ZMAT3: variants seen among roughly 807,000 people sequenced by gnomAD.
ZMAT3 encodes zinc finger matrin-type 3.
Under a neutral mutation model 32.3 loss-of-function variants are expected in ZMAT3, and 17 were observed. The observed-to-expected ratio is 0.53, with a 90% confidence interval of 0.36 to 0.79. ZMAT3 has a LOEUF of 0.79. Among genes scored for constraint, ZMAT3 ranks in the 30% least tolerant of loss-of-function variants. The pLI, the probability that ZMAT3 is intolerant of heterozygous loss-of-function variation, is 0.00. For missense variants in ZMAT3, 329 were observed against 359.7 expected, an observed-to-expected ratio of 0.91 and a Z score of 0.69; for synonymous variants, 120 against 133.1, an observed-to-expected ratio of 0.90 and a Z score of 0.68.
At chr3:179,039,782 A>C (rs1349985213) in intron 2 of ZMAT3, among the ~76,000 whole-genome samples, 1 of 152,196 alleles carries the variant, frequency 6.6e-6, no homozygotes, top group Non-Finnish European at 1.5e-5. Flanking sequence ...AAACTTCTCC[A>C]AGCTAAAGGA....
Position 179,022,032 on chromosome 3 carries a change from G to A in ZMAT3, c.*2985C>T, listed in dbSNP as rs1257971291. ...CAAACTGAGTTATTGTAGGCAATAC[G>A]GTACTAAAGTGTCCTATAAAACAAA... On this transcript the variant is annotated 3_prime_UTR_variant, in exon 6 of 6. Coordinates refer to ENST00000311417, the MANE Select transcript of ZMAT3 (RefSeq NM_022470.4). 2.0e-5 allele frequency: 3 copies of A among 152,018 alleles called. No homozygotes were observed. Among genetic ancestry groups the A allele is most frequent in the African/African-American group, 7.3e-5 (3 of 41,362 alleles). 9.4% of individuals were successfully genotyped at this position (152,018 alleles called of 1,614,324 possible).
intron 2 of ZMAT3, among the ~76,000 whole-genome samples, chr3:179,059,601 T>TC (rs1222032411): frequency 6.6e-6 from 1 of 152,168 alleles, no homozygotes; most frequent in African/African-American, 2.4e-5. Context: ...AAACTACAAA[T>TC]CGTTCTTCAA....
At chr3:179,070,750 T>G (rs1576885589) in intron 1 of ZMAT3, among the ~76,000 whole-genome samples, 2 of 152,162 alleles carry the variant, frequency 1.3e-5, no homozygotes, top group Non-Finnish European at 2.9e-5. Context: ...TTTATGCTGG[T>G]TAATGTCCTG....
rs1718946135 is a variant in ZMAT3, at chr3:179,027,650, A to G, written c.553T>C (p.Phe185Leu). 2 of 1,614,144 alleles carry G rather than the reference A, an allele frequency of 1.2e-6. No individual in the cohort carries two copies. Among genetic ancestry groups the G allele is most frequent in the Non-Finnish European group, 8.5e-7 (1 of 1,180,012 alleles). Residue 185 changes from phenylalanine (F) to leucine (L), a missense_variant, in exon 4 of 6, where the codon TTC becomes CTC. Phe to Leu is a conservative substitution (Grantham distance 22). Transcript: ENST00000311417. Reference sequence around the variant, plus strand: ...AGAGAAAATGGCAATACCTACGAGAATGAGTTACTCTGAGCTTCCGCCAGC... The same window carrying G: ...AGAGAAAATGGCAATACCTACGAGAGTGAGTTACTCTGAGCTTCCGCCAGC... ...LRLAEAQSNS[F>L]SESSELGQRR...
intron 2 of ZMAT3, among the ~76,000 whole-genome samples, chr3:179,053,258 T>C (rs1305723732): frequency 1.3e-5 from 2 of 150,374 alleles, no homozygotes; most frequent in African/African-American, 4.9e-5. Context: ...AAAATATCTA[T>C]ATTCTATATA....
intron 2 of ZMAT3, among the ~76,000 whole-genome samples, chr3:179,039,181 T>C (rs532912725): frequency 1.3e-5 from 2 of 152,364 alleles, no homozygotes; most frequent in South Asian, 4.1e-4. Context: ...TCAATGTCCC[T>C]TTCTGACAGC....
chr3:179,029,120 T>C (rs371966171), intron 3 of ZMAT3, among the ~76,000 whole-genome samples: 5 of 151,268 alleles, frequency 3.3e-5, no homozygotes, highest in Admixed American at 6.6e-5. Flanking sequence ...CAGCACACCA[T>C]TGCACTCCAG....
intron 2 of ZMAT3, among the ~76,000 whole-genome samples, chr3:179,057,320 A>T (rs1471066450): frequency 6.6e-6 from 1 of 152,178 alleles, no homozygotes; most frequent in Admixed American, 6.5e-5. Context: ...GAGGAAGCAG[A>T]GTGGTTTACA....
At chr3:179,045,628 A>T (rs1720191352) in intron 2 of ZMAT3, among the ~76,000 whole-genome samples, 1 of 152,248 alleles carries the variant, frequency 6.6e-6, no homozygotes. Context: ...GCAAATATAC[A>T]AAAACAATGT....
chr3:179,069,223 G>A (rs572783828), intron 1 of ZMAT3, among the ~76,000 whole-genome samples: 1 of 152,166 alleles, frequency 6.6e-6, no homozygotes, highest in East Asian at 1.9e-4. Flanking sequence ...TCAATCTTGA[G>A]GCTATTTCCC....
chr3:179,028,786 C>G (rs967042625), intron 3 of ZMAT3, among the ~76,000 whole-genome samples: 6 of 152,122 alleles, frequency 3.9e-5, no homozygotes, highest in Admixed American at 1.3e-4. Flanking sequence ...GAATTGCTAC[C>G]CACACTTTTA....
chr3:179,051,310 A>G, intron 2 of ZMAT3, among the ~76,000 whole-genome samples: 1 of 152,184 alleles, frequency 6.6e-6, no homozygotes, highest in Admixed American at 6.5e-5. Context: ...CAAAATTAAT[A>G]TATACAAATC....
At chr3:179,033,288 C>T (rs1719391322) in intron 2 of ZMAT3, among the ~76,000 whole-genome samples, 1 of 152,190 alleles carries the variant, frequency 6.6e-6, no homozygotes, top group African/African-American at 2.4e-5. Flanking sequence ...TTGAAGGCAG[C>T]ATACTCGTTA....
At chr3:179,054,290 C>T (rs957977747) in intron 2 of ZMAT3, among the ~76,000 whole-genome samples, 24 of 152,170 alleles carry the variant, frequency 1.6e-4, no homozygotes, top group African/African-American at 5.8e-4. Flanking sequence ...TTAGTATCAT[C>T]CTCCTCATCA....
At chr3:179,055,276 AG>A (rs1336258400) in intron 2 of ZMAT3, among the ~76,000 whole-genome samples, 1 of 152,182 alleles carries the variant, frequency 6.6e-6, no homozygotes, top group African/African-American at 2.4e-5. Context: ...TCTTCAAGGG[AG>A]AGAAACCTGG....
Position 179,020,424 on chromosome 3 carries a change from C to A in ZMAT3, c.*4593G>T, listed in dbSNP as rs1718486191. 6.6e-6 allele frequency: 1 copy of A among 152,154 alleles called. No homozygotes were observed. Among genetic ancestry groups the A allele is most frequent in the African/African-American group, 2.4e-5 (1 of 41,440 alleles). 9.4% of individuals were successfully genotyped at this position (152,154 alleles called of 1,614,324 possible). On this transcript the variant is annotated 3_prime_UTR_variant, in exon 6 of 6. Transcript: ENST00000311417. ...GTAACTGCTCACAATGGTAGGGGTTCTCCCCTGCCAAGAAAGCAAAAACAA... is the reference window on the plus strand; with the variant it reads ...GTAACTGCTCACAATGGTAGGGGTTATCCCCTGCCAAGAAAGCAAAAACAA...
At chr3:179,045,369 G>A (rs1720176309) in intron 2 of ZMAT3, among the ~76,000 whole-genome samples, 1 of 152,042 alleles carries the variant, frequency 6.6e-6, no homozygotes, top group Non-Finnish European at 1.5e-5. Context: ...CAGCAAAAAA[G>A]GTGGAAACAA....
At chr3:179,032,117 C>CGAG (rs1320284812) in intron 2 of ZMAT3, among the ~76,000 whole-genome samples, 1 of 148,636 alleles carries the variant, frequency 6.7e-6, no homozygotes, top group African/African-American at 2.5e-5. Context: ...ATTCTCCTGC[C>CGAG]TCAGCCTGCC....
In ZMAT3 at chr3:179,024,936, C is replaced by G; in HGVS notation, c.*81G>C. On this transcript the variant is annotated 3_prime_UTR_variant, in exon 6 of 6. Coordinates refer to ENST00000311417, the MANE Select transcript of ZMAT3 (RefSeq NM_022470.4). ...ATTAAGCAGAGGAATGTACTCATAT[C>G]AAAAAGACCACAAAGCAGGGCAAGT... 2 of 1,246,426 alleles carry G rather than the reference C, an allele frequency of 1.6e-6. No homozygotes were observed. The highest frequency in any genetic ancestry group is 2.3e-6 in the Non-Finnish European group (2 of 885,720). The allele number at this position is 1,246,426 out of a possible 1,614,324, so 77.2% of individuals were successfully genotyped here.
Sources: gnomAD v4.1 joint callset for allele counts (sites outside exome capture counted in the v4.1 genomes callset) on GRCh38, gnomAD v4.1.1 for gene constraint, MANE v1.5 for transcripts, NCBI Gene and HGNC (gene_info 2026-07-23, HGNC 2026-07-21) for gene names.